PIEZO2: variants seen among roughly 807,000 people sequenced by gnomAD.
PIEZO2 encodes the protein piezo-type mechanosensitive ion channel component 2.
PIEZO2 carries 172 observed loss-of-function variants against 337.3 expected under a neutral mutation model. The observed-to-expected ratio is 0.51, with a 90% CI of 0.45 to 0.58. The LOEUF (loss-of-function observed/expected upper bound fraction) is 0.58. Ranked by LOEUF, PIEZO2 falls within the 20% of genes least tolerant of loss-of-function variation. PIEZO2 has a pLI of 0.00. For synonymous variants in PIEZO2, 1,251 were observed against 1,228.5 expected (o/e 1.02, Z -0.38); for missense variants, 3,028 against 3,391.3 (o/e 0.89, Z 2.66).
intron 8 of PIEZO2, among the ~76,000 whole-genome samples, chr18:10,806,042 T>C (rs915899021): frequency 6.6e-6 from 1 of 152,248 alleles, no homozygotes; most frequent in African/African-American, 2.4e-5. Context: ...TGCTGGCCCC[T>C]AGGTTAGTTT....
intron 16 of PIEZO2, 89 bp from the exon 17 acceptor site, chr18:10,785,046 A>C: frequency 7.4e-7 from 1 of 1,353,582 alleles, no homozygotes. Context: ...ACAGTCTTAC[A>C]CTCCTGTCAG....
chr18:11,025,727 C>A (rs1330646725), intron 2 of PIEZO2, among the ~76,000 whole-genome samples: 1 of 152,148 alleles, frequency 6.6e-6, no homozygotes, highest in African/African-American at 2.4e-5. Context: ...GAGGCCCCAT[C>A]CTCGAAGTTA....
chr18:10,871,542 A>G, intron 4 of PIEZO2, 127 bp from the exon 5 acceptor site: 1 of 925,126 alleles, frequency 1.1e-6, no homozygotes, highest in Non-Finnish European at 1.5e-6. Context: ...TCTCCCTAAA[A>G]GGTACAAGAA....
intron 2 of PIEZO2, among the ~76,000 whole-genome samples, chr18:11,005,085 C>G (rs904050446): frequency 6.6e-6 from 1 of 152,220 alleles, no homozygotes; most frequent in African/African-American, 2.4e-5. Flanking sequence ...AACAAGAAGT[C>G]CTCAGACTTC....
Position 10,850,699 on chromosome 18 carries a change from T to C in PIEZO2, c.917+4654A>G, listed in dbSNP as rs555620230. ...ACACAGTTTGCATAAATACAGCAAATTATAAAATAGTATGTGCAATATGAT... is the reference window on the plus strand; with the variant it reads ...ACACAGTTTGCATAAATACAGCAAACTATAAAATAGTATGTGCAATATGAT... On this transcript the variant is annotated intron_variant, in intron 7 of 55. Transcript: ENST00000674853. The surrounding 1 kb of genome is among the most constrained non-coding windows in gnomAD (Gnocchi z 4.5). Among the ~76,000 whole-genome samples, 3 of 152,262 alleles carry C rather than the reference T, an allele frequency of 2.0e-5. No homozygotes were observed. The highest frequency in any genetic ancestry group is 4.8e-5 in the African/African-American group (2 of 41,548).
At chr18:10,832,617 C>T (rs1457924675) in intron 7 of PIEZO2, among the ~76,000 whole-genome samples, 1 of 152,118 alleles carries the variant, frequency 6.6e-6, no homozygotes, top group African/African-American at 2.4e-5. Flanking sequence ...AGAGTAGATG[C>T]TTAATAACAG....
Position 10,699,003 on chromosome 18 carries a change from C to T in PIEZO2, c.6616G>A (p.Ala2206Thr). The T allele has an allele frequency of 6.5e-7, 1 of 1,537,034 alleles. No individual in the cohort carries two copies. The highest frequency in any genetic ancestry group is 8.7e-7 in the Non-Finnish European group (1 of 1,146,910). The change falls in exon 44 of 56, where the codon GCT becomes ACT. Residue 2206 changes from alanine to threonine, a missense_variant. Ala to Thr is a moderately conservative substitution (Grantham distance 58). Coordinates refer to ENST00000674853, the MANE Select transcript of PIEZO2 (RefSeq NM_001378183.1). ...CTGCCGGAGCGCTTCCTCCGGACAG[C>T]TGTCTGCTGCTCCGGGAAGGTCACA... ...VHVTFPEQQT[A>T]VRRKRSGSSS...
intron 2 of PIEZO2, among the ~76,000 whole-genome samples, chr18:11,000,170 C>T (rs965148787): frequency 5.9e-5 from 9 of 152,144 alleles, no homozygotes; most frequent in African/African-American, 2.2e-4. Context: ...GCATCATTTC[C>T]CCTCGAGTTC....
intron 36 of PIEZO2, 54 bp from the exon 37 acceptor site, chr18:10,718,313 T>C: frequency 2.2e-6 from 3 of 1,389,260 alleles, no homozygotes; most frequent in Non-Finnish European, 3.0e-6. Flanking sequence ...GTAAATTAAA[T>C]GCCAATGTTA....
chr18:10,707,498 C>G lies in PIEZO2; in HGVS notation c.5588+777G>C, dbSNP rs367792973. On this transcript the variant is annotated intron_variant, in intron 40 of 55. Coordinates refer to ENST00000674853, the MANE Select transcript of PIEZO2 (RefSeq NM_001378183.1). This position sits in a 1 kb window ranked among gnomAD's most constrained non-coding sequence, Gnocchi z 4.2. ...GACTTGCCACCATGAGCAGTCAAAACGAAACTTGTCTTGGATTAGGCTGTT... is the reference window on the plus strand; with the variant it reads ...GACTTGCCACCATGAGCAGTCAAAAGGAAACTTGTCTTGGATTAGGCTGTT... Among the ~76,000 whole-genome samples, 106 of 152,230 alleles carry G rather than the reference C, an allele frequency of 7.0e-4. 1 individual carries two copies. The highest frequency in any genetic ancestry group is 2.5e-3 in the African/African-American group (104 of 41,540).
At chr18:10,760,044 T>C (rs2038061875) in intron 24 of PIEZO2, 135 bp from the exon 25 acceptor site, 2 of 760,268 alleles carry the variant, frequency 2.6e-6, no homozygotes, top group Non-Finnish European at 4.3e-6. Context: ...GATTCACAAA[T>C]GCTTGCTCTT....
chr18:10,968,770 G>T (rs957676743), intron 3 of PIEZO2, among the ~76,000 whole-genome samples: 1 of 151,958 alleles, frequency 6.6e-6, no homozygotes, highest in East Asian at 1.9e-4. Context: ...TTACATTAAC[G>T]TTTGATATAA....
Position 10,800,404 on chromosome 18 carries a change from G to A in PIEZO2, c.1311C>T (p.Asn437=), listed in dbSNP as rs891413145. 1.4e-5 allele frequency: 21 copies of A among 1,536,116 alleles called. No homozygotes were observed. The highest frequency in any genetic ancestry group is 6.9e-5 in the African/African-American group (5 of 72,968). ...AGTAGAGGTCGGCTTTGCCAGGGCCGTTCTCCATGGGCAGGCTTGGGTGGA... is the reference window on the plus strand; with the variant it reads ...AGTAGAGGTCGGCTTTGCCAGGGCCATTCTCCATGGGCAGGCTTGGGTGGA... ...HTIHPSLPME[N]GPGKADLYST... is the part of the protein sequence containing the mutation. Residue 437 remains asparagine, a synonymous_variant, in exon 11 of 56, where the codon AAC becomes AAT. Transcript: ENST00000674853.
intron 3 of PIEZO2, among the ~76,000 whole-genome samples, chr18:10,964,213 T>G (rs1487415304): frequency 1.3e-5 from 2 of 152,224 alleles, no homozygotes; most frequent in Admixed American, 1.3e-4. Context: ...CCACATTAAT[T>G]AAAGTGATTA....
chr18:10,742,128 C>T (rs1191408112), intron 32 of PIEZO2, among the ~76,000 whole-genome samples: 1 of 152,116 alleles, frequency 6.6e-6, no homozygotes, highest in Non-Finnish European at 1.5e-5. Flanking sequence ...GCACTCCAGC[C>T]TGGGGGACAG....
chr18:10,740,531 A>G (rs1029826149), intron 33 of PIEZO2: 1 of 154,212 alleles, frequency 6.5e-6, no homozygotes, highest in Admixed American at 6.5e-5. Flanking sequence ...ATAAAATCAA[A>G]GCTGTGGGAA....
Position 11,009,012 on chromosome 18 carries a change from C to A in PIEZO2, c.161-29352G>T, listed in dbSNP as rs1401638543. Among the ~76,000 whole-genome samples, 1 of 152,210 alleles carries A rather than the reference C, an allele frequency of 6.6e-6. No individual in the cohort carries two copies. Among genetic ancestry groups the A allele is most frequent in the Non-Finnish European group, 1.5e-5 (1 of 68,034 alleles). On this transcript the variant is annotated intron_variant, in intron 2 of 55. Coordinates refer to ENST00000674853, the MANE Select transcript of PIEZO2 (RefSeq NM_001378183.1). This position sits in a 1 kb window ranked among gnomAD's most constrained non-coding sequence, Gnocchi z 4.6. ...TTATACAATAAAAATGGCATTTTTA[C>A]TGACTTCTCATATTATCCTTTGTAC... is the stretch of plus-strand genomic sequence containing the variant.
At chr18:10,965,725 C>A (rs1362259911) in intron 3 of PIEZO2, among the ~76,000 whole-genome samples, 1 of 152,082 alleles carries the variant, frequency 6.6e-6, no homozygotes, top group East Asian at 1.9e-4. Context: ...AAAATCAAAA[C>A]CACCCAGGGA....
rs1454232533 is a variant in PIEZO2 at position 11,033,783 on chromosome 18, G to A, written c.160+32344C>T. 6.6e-6 allele frequency among the ~76,000 whole-genome samples: 1 copy of A among 152,034 alleles called. No homozygotes were observed. The highest frequency in any genetic ancestry group is 1.5e-5 in the Non-Finnish European group (1 of 67,998). On this transcript the variant is annotated intron_variant, in intron 2 of 55. Transcript: ENST00000674853. This position sits in a 1 kb window ranked among gnomAD's most constrained non-coding sequence, Gnocchi z 4.2. ...AAAATTTGATTTAAAATTGGTATCC[G>A]ACCGAACAAGCTTGGGATGCTCAAC...
Sources: gnomAD v4.1 joint callset for allele counts (sites outside exome capture counted in the v4.1 genomes callset) on GRCh38, gnomAD v4.1.1 for gene constraint, Gnocchi (gnomAD v3.1) non-coding constraint, MANE v1.5 for transcripts, NCBI Gene and HGNC (gene_info 2026-07-23, HGNC 2026-07-21) for gene names.